TGFBR1: variants seen among roughly 807,000 people sequenced by gnomAD.
The protein encoded by TGFBR1 is transforming growth factor beta receptor 1.
Under a neutral mutation model 55.1 loss-of-function variants are expected in TGFBR1, and 20 were observed. That is an observed-to-expected ratio of 0.36 (90% CI 0.26 to 0.53). The LOEUF (loss-of-function observed/expected upper bound fraction) is 0.53. Ranked by LOEUF, TGFBR1 falls within the 20% of genes least tolerant of loss-of-function variation. The pLI, the probability that TGFBR1 is intolerant of heterozygous loss-of-function variation, is 0.91. For missense variants in TGFBR1, 385 were observed against 617.6 expected (o/e 0.62, Z 3.99); for synonymous variants, 220 against 214.8 (o/e 1.02, Z -0.21).
chr9:99,106,082 A>G (rs536529361), intron 1 of TGFBR1, among the ~76,000 whole-genome samples: 80 of 152,380 alleles, frequency 5.3e-4, no homozygotes, highest in Middle Eastern at 3.4e-3. Context: ...TGGAAACTTG[A>G]ACGTTTGCTC....
intron 1 of TGFBR1, among the ~76,000 whole-genome samples, chr9:99,116,951 C>A (rs1450544948): frequency 2.0e-5 from 3 of 152,258 alleles, no homozygotes; most frequent in Middle Eastern, 6.8e-3. Context: ...TATAAAAATG[C>A]AAATATAGAA....
rs561653833 is a variant in TGFBR1, at chr9:99,123,039, TACTTAG to T, written c.98-5811_98-5806del. On this transcript the variant is annotated intron_variant, in intron 1 of 8. Transcript: ENST00000374994. ...ATATATGAAACATGAATGAATTTTATACTTAGACTTGGGTCCCATTCCCAAGATGTC... is the reference window on the plus strand; with the variant it reads ...ATATATGAAACATGAATGAATTTTATACTTGGGTCCCATTCCCAAGATGTC... 2.6e-4 allele frequency among the ~76,000 whole-genome samples: 40 copies of T among 152,302 alleles called. 1 individual carries two copies. Among genetic ancestry groups the T allele is most frequent in the Admixed American group, 2.4e-3 (36 of 15,286 alleles).
chr9:99,140,300 A>G (rs1202624455), intron 4 of TGFBR1, among the ~76,000 whole-genome samples: 4 of 152,082 alleles, frequency 2.6e-5, no homozygotes, highest in Non-Finnish European at 5.9e-5. Flanking sequence ...TAAAAATACA[A>G]AAAAATTAGC....
chr9:99,114,921 C>CT (rs1013030483), intron 1 of TGFBR1, among the ~76,000 whole-genome samples: 16 of 152,108 alleles, frequency 1.1e-4, no homozygotes, highest in African/African-American at 3.4e-4. Flanking sequence ...AATGGACGTT[C>CT]GGAATGATTA....
At chr9:99,148,985 C>G (rs889562997) in intron 8 of TGFBR1, among the ~76,000 whole-genome samples, 195 bp from the exon 9 acceptor site, 1 of 152,190 alleles carries the variant, frequency 6.6e-6, no homozygotes, top group African/African-American at 2.4e-5. Context: ...CTTTGTCCAC[C>G]TGCTTTCCAG....
intron 3 of TGFBR1, among the ~76,000 whole-genome samples, chr9:99,134,850 A>ATT (rs1827383946): frequency 9.4e-6 from 1 of 106,438 alleles, no homozygotes; most frequent in African/African-American, 3.4e-5. Flanking sequence ...ATATATATAT[A>ATT]TATTTCTAGA....
At chr9:99,118,515 A>G (rs1192991817) in intron 1 of TGFBR1, among the ~76,000 whole-genome samples, 1 of 152,166 alleles carries the variant, frequency 6.6e-6, no homozygotes, top group African/African-American at 2.4e-5. Context: ...TTTAAATATC[A>G]TGAATAGCTG....
In TGFBR1 at chr9:99,152,743, G is replaced by C. The variant is rs1363553395; in HGVS notation, c.*3438G>C. The C allele has an allele frequency of 4.4e-6, 1 of 228,184 alleles. No homozygotes were observed. Among genetic ancestry groups the C allele is most frequent in the East Asian group, 6.2e-5 (1 of 16,016 alleles). 14.1% of individuals were successfully genotyped at this position (228,184 alleles called of 1,614,324 possible). A position where few individuals can be genotyped will look rare whatever the true frequency, so the allele number is the denominator to read the frequency against. ...GGTAGTGATTCCAAATAATGGTTCTGTTAACACTTTGGCAGAAAATGCCAG... is the reference window on the plus strand; with the variant it reads ...GGTAGTGATTCCAAATAATGGTTCTCTTAACACTTTGGCAGAAAATGCCAG... On this transcript the variant is annotated 3_prime_UTR_variant, in exon 9 of 9. Transcript: ENST00000374994.
At chr9:99,146,431 A>G in intron 6 of TGFBR1, 54 bp from the exon 7 acceptor site, 1 of 1,610,812 alleles carries the variant, frequency 6.2e-7, no homozygotes, top group Non-Finnish European at 8.5e-7. Context: ...AGGTTCATCC[A>G]AATATGGCAG....
At position 99,152,682 on chromosome 9, in the gene TGFBR1, CTGT is replaced by C. The variant is rs1828011971; in HGVS notation, c.*3379_*3381del. ...TTGCACTGGAAGAATCGTAAGTCAA[CTGT>C]TTCTTGACCATGGCAGTGTTCTGGC... is the stretch of plus-strand genomic sequence containing the variant. On this transcript the variant is annotated 3_prime_UTR_variant, in exon 9 of 9. Transcript: ENST00000374994. 3 of 226,654 alleles carry C rather than the reference CTGT, an allele frequency of 1.3e-5. No individual in the cohort carries two copies. The East Asian group carries it at 1.9e-4, about 14-fold the overall frequency. 14.0% of individuals were successfully genotyped at this position (226,654 alleles called of 1,614,324 possible). A position where few individuals can be genotyped will look rare whatever the true frequency, so the allele number is the denominator to read the frequency against.
At chr9:99,145,129 A>C (rs1485850327) in intron 6 of TGFBR1, among the ~76,000 whole-genome samples, 1 of 152,250 alleles carries the variant, frequency 6.6e-6, no homozygotes, top group Non-Finnish European at 1.5e-5. Flanking sequence ...TTATAATAAC[A>C]GTAGTAACTA....
At chr9:99,124,631 T>C (rs1391076756) in intron 1 of TGFBR1, among the ~76,000 whole-genome samples, 1 of 152,138 alleles carries the variant, frequency 6.6e-6, no homozygotes, top group Non-Finnish European at 1.5e-5. Flanking sequence ...ATTAAGTTCT[T>C]ATTTTAGTTT....
intron 1 of TGFBR1, among the ~76,000 whole-genome samples, chr9:99,106,437 T>G (rs1489907222): frequency 6.6e-6 from 1 of 152,238 alleles, no homozygotes; most frequent in African/African-American, 2.4e-5. Context: ...TGTTGAAATT[T>G]TTTTAAAAAA....
At chr9:99,127,193 G>A (rs1047521268) in intron 1 of TGFBR1, among the ~76,000 whole-genome samples, 1 of 152,204 alleles carries the variant, frequency 6.6e-6, no homozygotes, top group African/African-American at 2.4e-5. Flanking sequence ...CAGGTTTCCA[G>A]GTGTCCCATT....
intron 3 of TGFBR1, among the ~76,000 whole-genome samples, chr9:99,135,208 C>T (rs1289191078): frequency 6.6e-6 from 1 of 152,118 alleles, no homozygotes; most frequent in Non-Finnish European, 1.5e-5. Flanking sequence ...TTAAGGCCTC[C>T]TTTGCCTGTC....
intron 3 of TGFBR1, 132 bp from the exon 4 acceptor site, chr9:99,137,727 C>T (rs933357443): frequency 2.8e-6 from 2 of 702,908 alleles, no homozygotes; most frequent in Admixed American, 4.3e-5. Context: ...TATAATATCT[C>T]CCCAGTGAGA....
chr9:99,145,127 A>G (rs1400742964), intron 6 of TGFBR1, among the ~76,000 whole-genome samples: 3 of 152,230 alleles, frequency 2.0e-5, no homozygotes, highest in Admixed American at 1.3e-4. Flanking sequence ...AATTATAATA[A>G]CAGTAGTAAC....
At chr9:99,105,375 C>G in intron 1 of TGFBR1, 73 bp downstream of exon 1, 1 of 973,694 alleles carries the variant, frequency 1.0e-6, no homozygotes, top group Non-Finnish European at 1.2e-6. Context: ...CGCTCCTGCT[C>G]TTTCTCAAAC....
rs1827447729 is a variant in TGFBR1 at position 99,136,655 on chromosome 9, G to A, written c.575-1204G>A. Reference sequence around the variant, plus strand: ...TATACTGCTAACTACTTTACAGGAGGTGGGGAGGGTAGAGCAAGAGGAAGA... The same window carrying A: ...TATACTGCTAACTACTTTACAGGAGATGGGGAGGGTAGAGCAAGAGGAAGA... On this transcript the variant is annotated intron_variant, in intron 3 of 8. Coordinates refer to ENST00000374994, the MANE Select transcript of TGFBR1 (RefSeq NM_004612.4). Among the ~76,000 whole-genome samples the A allele has an allele frequency of 3.9e-5, 6 of 152,150 alleles. No individual in the cohort carries two copies. The South Asian group carries it at 1.2e-3, about 32-fold the overall frequency.
Sources: allele counts gnomAD v4.1 joint callset (sites outside exome capture counted in the v4.1 genomes callset), GRCh38; gene constraint gnomAD v4.1.1; transcripts MANE v1.5; gene names NCBI Gene and HGNC (gene_info 2026-07-23, HGNC 2026-07-21).